Variants in PCID2 observed in about 807,000 individuals in gnomAD.
PCID2 encodes the protein PCI domain-containing protein 2.
Under a neutral mutation model 61.3 loss-of-function variants are expected in PCID2, and 41 were observed. That is an observed-to-expected ratio of 0.67 (90% CI 0.52 to 0.87). The LOEUF (loss-of-function observed/expected upper bound fraction) is 0.87. Ranked by LOEUF, PCID2 falls within the 40% of genes least tolerant of loss-of-function variation. PCID2 has a pLI of 0.00. For synonymous variants in PCID2, 187 were observed against 177.8 expected (o/e 1.05, Z -0.41); for missense variants, 392 against 493.4 (o/e 0.79, Z 1.95).
At chr13:113,187,736 T>A (rs752006432) in intron 7 of PCID2, 1 of 152,258 alleles carries the variant, frequency 6.6e-6, no homozygotes, top group Non-Finnish European at 1.5e-5. Flanking sequence ...ATTCTTTATA[T>A]ATTCTGGATA....
rs778009640 is a variant in PCID2 at position 113,208,579 on chromosome 13, G to A, written c.36+20C>T. On this transcript the variant is annotated intron_variant, in intron 1 of 13. Coordinates refer to ENST00000337344, the MANE Select transcript of PCID2 (RefSeq NM_001127202.4). ...CCGAGGGCCAACCACGCCGCCGCGC[G>A]CTCCCCGGCTAGGACCCACCTGCTG... 51 of 1,606,006 alleles carry A rather than the reference G, an allele frequency of 3.2e-5. No homozygotes were observed. The Middle Eastern group carries it at 5.0e-4, about 16-fold the overall frequency.
chr13:113,184,665 GGCTCT>G (rs745452668), intron 8 of PCID2, among the ~76,000 whole-genome samples, 178 bp from the exon 9 acceptor site: 14 of 152,274 alleles, frequency 9.2e-5, no homozygotes, highest in Non-Finnish European at 1.6e-4. Flanking sequence ...CACCCTGGGA[GGCTCT>G]GCAAAGCCGT....
Position 113,181,257 on chromosome 13 carries a change from A to G in PCID2, c.686-27T>C, listed in dbSNP as rs370854521. 2.0e-5 allele frequency: 30 copies of G among 1,470,372 alleles called. No homozygotes were observed. In the African/African-American group the frequency reaches 3.7e-4, roughly 18 times the overall value. 91.1% of individuals were successfully genotyped at this position (1,470,372 alleles called of 1,614,324 possible). On this transcript the variant is annotated intron_variant, in intron 9 of 13. Transcript: ENST00000337344. The stretch of plus-strand genomic sequence containing the variant: ...TGCAAAGAAGGCAGAGCCAGCACGC[A>G]TGAGACCAACGCACCTGCTTCAGGC...
intron 6 of PCID2, among the ~76,000 whole-genome samples, chr13:113,192,011 C>T (rs934497093): frequency 6.6e-6 from 1 of 152,166 alleles, no homozygotes; most frequent in Non-Finnish European, 1.5e-5. Context: ...AATCCCAGCA[C>T]TTTCGGGAGG....
intron 1 of PCID2, among the ~76,000 whole-genome samples, chr13:113,203,790 C>T (rs996200742): frequency 2.0e-4 from 30 of 152,198 alleles, no homozygotes; most frequent in African/African-American, 7.0e-4. Flanking sequence ...AGGCACACTG[C>T]GTCTTCCCCG....
At chr13:113,166,644 C>T in the PCID2 span, among the ~76,000 whole-genome samples, 6 of 152,320 alleles carry the variant, frequency 3.9e-5, no homozygotes, top group East Asian at 1.2e-3. Context: ...GGGATGGAAG[C>T]GGGAATGGTC....
chr13:113,199,623 T>C (rs914613193), intron 2 of PCID2, among the ~76,000 whole-genome samples: 1 of 152,152 alleles, frequency 6.6e-6, no homozygotes, highest in African/African-American at 2.4e-5. Context: ...TCCTCTCATG[T>C]CATACAATAC....
At chr13:113,176,147 C>T (rs1394432489), downstream of PCID2, among the ~76,000 whole-genome samples, 1 of 152,232 alleles carries the variant, frequency 6.6e-6, no homozygotes, top group Non-Finnish European at 1.5e-5. Context: ...GAGTCCTGCG[C>T]CGCGCGGCCC....
At chr13:113,182,278 GCA>G (rs1482298706) in intron 9 of PCID2, among the ~76,000 whole-genome samples, 1 of 152,088 alleles carries the variant, frequency 6.6e-6, no homozygotes, top group Non-Finnish European at 1.5e-5. Context: ...ATCCAGTCTT[GCA>G]CAGTGAGCGT....
chr13:113,177,409 T>C (rs1450397406), downstream of PCID2: 1 of 152,122 alleles, frequency 6.6e-6, no homozygotes, highest in Non-Finnish European at 1.5e-5. Flanking sequence ...AGTGCTGGGA[T>C]TACAGGCGTG....
In PCID2 at chr13:113,190,986, A is replaced by G. The variant is rs746763225; in HGVS notation, c.364-11T>C. 21 of 1,585,050 alleles carry G rather than the reference A, an allele frequency of 1.3e-5. No individual in the cohort carries two copies. The highest frequency in any genetic ancestry group is 4.5e-5 in the East Asian group (2 of 44,696). ...CAACTGTTGATCTGCCTAATAAAAT[A>G]TAAGAACTTTTATTTCATTTTTCCG... On this transcript the variant is annotated splice_polypyrimidine_tract_variant and intron_variant, in intron 6 of 13. Coordinates refer to ENST00000337344, the MANE Select transcript of PCID2 (RefSeq NM_001127202.4).
chr13:113,207,972 T>C, intron 1 of PCID2: 1 of 1,470,278 alleles, frequency 6.8e-7, no homozygotes. Flanking sequence ...GGAAAGAATA[T>C]GCGTTGAATC....
chr13:113,171,307 A>G, the PCID2 span, among the ~76,000 whole-genome samples: 1 of 152,146 alleles, frequency 6.6e-6, no homozygotes. The surrounding 1 kb of genome is among the most constrained non-coding windows in gnomAD (Gnocchi z 5.1). Flanking sequence ...GTTCCACATC[A>G]CTGCTTCCTG....
chr13:113,202,477 C>T, intron 1 of PCID2, among the ~76,000 whole-genome samples: 1 of 152,192 alleles, frequency 6.6e-6, no homozygotes, highest in East Asian at 1.9e-4. Flanking sequence ...ACTAAATATC[C>T]ATCCATAGAG....
downstream of PCID2, among the ~76,000 whole-genome samples, chr13:113,176,126 CCACA>C (rs2037181105): frequency 1.3e-5 from 2 of 152,240 alleles, no homozygotes; most frequent in Non-Finnish European, 1.5e-5. Context: ...GAGGAAGGAG[CCACA>C]CAAAGTGAGT....
downstream of PCID2, among the ~76,000 whole-genome samples, chr13:113,176,468 T>C (rs1298181721): frequency 2.0e-5 from 3 of 152,298 alleles, no homozygotes; most frequent in Non-Finnish European, 2.9e-5. Flanking sequence ...TGTGGCCTTA[T>C]AAGAGGAAGA....
At chr13:113,208,215 A>C (rs2040076718) in intron 1 of PCID2, 1 of 1,528,028 alleles carries the variant, frequency 6.5e-7, no homozygotes, top group Admixed American at 1.9e-5. Context: ...TCCTGCTGGG[A>C]AACAGCGTCC....
At position 113,179,936 on chromosome 13, in the gene PCID2, T is replaced by C; in HGVS notation, c.967A>G (p.Arg323Gly). The change falls in exon 12 of 14, where the codon AGG (arginine) becomes GGG (glycine). Residue 323 changes from arginine to glycine, a missense_variant. This residue lies in a region of PCID2 where 226 missense variants were observed against 296.5 expected (regional missense o/e 0.76). Coordinates refer to ENST00000337344, the MANE Select transcript of PCID2 (RefSeq NM_001127202.4). The surrounding 1 kb of genome is among the most constrained non-coding windows in gnomAD (Gnocchi z 4.3). ...ILEKLKIITYRNLFKKVYLLL... is the reference protein window; with the variant it reads ...ILEKLKIITYGNLFKKVYLLL... ...GCTTACACTTTCTTAAAGAGGTTCC[T>C]GTAGGTGATGATCTTCAGCTTCTCC... is the stretch of plus-strand genomic sequence containing the variant. 1 of 1,613,662 alleles carries C rather than the reference T, an allele frequency of 6.2e-7. No homozygotes were observed. The highest frequency in any genetic ancestry group is 8.5e-7 in the Non-Finnish European group (1 of 1,179,838).
intron 9 of PCID2, among the ~76,000 whole-genome samples, chr13:113,182,328 G>T (rs1008242136): frequency 6.6e-6 from 1 of 152,072 alleles, no homozygotes; most frequent in African/African-American, 2.4e-5. Flanking sequence ...AAACCACAAA[G>T]CCATGACCCA....
Sources: gnomAD v4.1 joint callset for allele counts (sites outside exome capture counted in the v4.1 genomes callset) on GRCh38, gnomAD v4.1.1 for gene constraint, gnomAD v4.1.1 regional missense constraint, Gnocchi (gnomAD v3.1) non-coding constraint, MANE v1.5 for transcripts, NCBI Gene and HGNC (gene_info 2026-07-23, HGNC 2026-07-21) for gene names.